ARHGAP15: variants seen among roughly 807,000 people sequenced by gnomAD.
ARHGAP15 encodes the protein Rho GTPase activating protein 15, also known as rho GTPase-activating protein 15.
A neutral mutation model predicts 63.7 loss-of-function variants in ARHGAP15; 51 were observed. The ratio of observed to expected loss-of-function variants is 0.80; its 90% confidence interval spans 0.64 to 1.01. The LOEUF is 1.01. Ranked by LOEUF, ARHGAP15 falls within the 50% of genes least tolerant of loss-of-function variation. ARHGAP15 has a pLI of 0.00. For missense variants in ARHGAP15, 560 were observed against 564.6 expected (o/e 0.99, Z 0.08); for synonymous variants, 191 against 193.8 (o/e 0.99, Z 0.12).
intron 12 of ARHGAP15, among the ~76,000 whole-genome samples, chr2:143,668,418 C>T (rs1270058304): frequency 6.6e-6 from 1 of 152,052 alleles, no homozygotes; most frequent in African/African-American, 2.4e-5. Flanking sequence ...CTGTGTGAGT[C>T]TCTATTCCTC....
intron 2 of ARHGAP15, among the ~76,000 whole-genome samples, chr2:143,160,668 A>G (rs1017336206): frequency 5.9e-5 from 9 of 152,118 alleles, no homozygotes; most frequent in African/African-American, 2.2e-4. Flanking sequence ...GACATGCTGT[A>G]GAACAGATGA....
chr2:143,412,388 A>C (rs1309183848), intron 6 of ARHGAP15, among the ~76,000 whole-genome samples: 1 of 151,948 alleles, frequency 6.6e-6, no homozygotes, highest in East Asian at 1.9e-4. Context: ...TATAATGGTG[A>C]TATTTGAATT....
intron 11 of ARHGAP15, among the ~76,000 whole-genome samples, chr2:143,561,712 C>T (rs1019295792): frequency 4.6e-5 from 7 of 152,072 alleles, no homozygotes; most frequent in Non-Finnish European, 7.4e-5. Flanking sequence ...GACAAGGTTT[C>T]ACCATGTCTC....
At chr2:143,500,357 T>C (rs60837263) in intron 9 of ARHGAP15, among the ~76,000 whole-genome samples, 11,269 of 151,954 alleles carry the variant, frequency 0.074, 635 homozygotes, top group East Asian at 0.22. Flanking sequence ...AAAATATAAG[T>C]CCATATAGTA....
intron 12 of ARHGAP15, among the ~76,000 whole-genome samples, chr2:143,694,103 G>GAACTAT (rs1455117895): frequency 4.6e-5 from 7 of 152,086 alleles, no homozygotes; most frequent in Admixed American, 4.6e-4. Flanking sequence ...TATAATGAAA[G>GAACTAT]AATGTTCATA....
chr2:143,707,813 G>A (rs1347088493), intron 13 of ARHGAP15, among the ~76,000 whole-genome samples: 2 of 152,150 alleles, frequency 1.3e-5, no homozygotes, highest in Non-Finnish European at 2.9e-5. Flanking sequence ...CTTCAACTTG[G>A]AGAAATGCTG....
chr2:143,177,266 C>T (rs980377942), intron 2 of ARHGAP15, among the ~76,000 whole-genome samples: 5 of 152,078 alleles, frequency 3.3e-5, no homozygotes, highest in Admixed American at 2.6e-4. Flanking sequence ...AAGATGAGAG[C>T]CGGCTGTTCA....
chr2:143,626,541 G>A (rs1698841552), intron 12 of ARHGAP15, among the ~76,000 whole-genome samples: 1 of 152,130 alleles, frequency 6.6e-6, no homozygotes, highest in South Asian at 2.1e-4. Context: ...AGCTTCCACA[G>A]CATGGAAGGG....
At chr2:143,469,091 A>T (rs1691390995) in intron 8 of ARHGAP15, among the ~76,000 whole-genome samples, 2 of 152,234 alleles carry the variant, frequency 1.3e-5, no homozygotes, top group African/African-American at 4.8e-5. Flanking sequence ...AATAAGAGAA[A>T]GGATCAGATA....
intron 9 of ARHGAP15, among the ~76,000 whole-genome samples, chr2:143,503,887 A>G (rs1693184859): frequency 6.6e-6 from 1 of 152,244 alleles, no homozygotes; most frequent in South Asian, 2.1e-4. Context: ...ACACAAAGCA[A>G]GGTCCCCAGG....
At chr2:143,338,011 G>A (rs1050513130) in intron 6 of ARHGAP15, among the ~76,000 whole-genome samples, 7 of 152,094 alleles carry the variant, frequency 4.6e-5, no homozygotes, top group Non-Finnish European at 7.4e-5. Flanking sequence ...CCTTTAATGT[G>A]TCTAGTAACA....
chr2:143,719,261 C>T (rs1684946241), intron 13 of ARHGAP15, among the ~76,000 whole-genome samples: 1 of 152,130 alleles, frequency 6.6e-6, no homozygotes, highest in African/African-American at 2.4e-5. Flanking sequence ...CATTTACCTC[C>T]CATAGAGTTT....
At chr2:143,754,361 G>GA (rs1686494271) in intron 13 of ARHGAP15, among the ~76,000 whole-genome samples, 1 of 152,156 alleles carries the variant, frequency 6.6e-6, no homozygotes, top group South Asian at 2.1e-4. Flanking sequence ...TAGCAGCAGA[G>GA]AAAGTATCTA....
In ARHGAP15 at chr2:143,489,349, A is replaced by T. The variant is rs1692473434; in HGVS notation, c.826+1854A>T. 1.3e-5 allele frequency among the ~76,000 whole-genome samples: 2 copies of T among 152,198 alleles called. 1 individual carries two copies. The highest frequency in any genetic ancestry group is 1.3e-4 in the Admixed American group (2 of 15,286). On this transcript the variant is annotated intron_variant, in intron 9 of 13. Transcript: ENST00000295095. ...AGAGCTCCATTAAATTTTCACCATAACTGACCAATGAGTCAGTATTCATTA... is the reference window on the plus strand; with the variant it reads ...AGAGCTCCATTAAATTTTCACCATATCTGACCAATGAGTCAGTATTCATTA...
At chr2:143,531,875 A>C (rs1694536752) in intron 10 of ARHGAP15, among the ~76,000 whole-genome samples, 2 of 152,236 alleles carry the variant, frequency 1.3e-5, no homozygotes, top group Admixed American at 1.3e-4. Context: ...GTCAAGTTTC[A>C]TATTAAGAGT....
intron 6 of ARHGAP15, among the ~76,000 whole-genome samples, chr2:143,375,563 A>C (rs1363180656): frequency 2.0e-5 from 3 of 152,206 alleles, no homozygotes; most frequent in Non-Finnish European, 4.4e-5. Context: ...TTAGAACAAC[A>C]GTGCAAGGGT....
chr2:143,377,493 C>T (rs1686868821), intron 6 of ARHGAP15, among the ~76,000 whole-genome samples: 1 of 151,680 alleles, frequency 6.6e-6, no homozygotes, highest in Non-Finnish European at 1.5e-5. Flanking sequence ...ATTTTTCTGC[C>T]TTTATTTACC....
At chr2:143,432,231 G>A (rs998279284) in intron 6 of ARHGAP15, among the ~76,000 whole-genome samples, 3 of 151,864 alleles carry the variant, frequency 2.0e-5, no homozygotes, top group Non-Finnish European at 4.4e-5. Context: ...GTAAACAAAA[G>A]TATGGAAATT....
In ARHGAP15 at chr2:143,768,086, A is replaced by G. The variant is rs1335708652; in HGVS notation, c.1342A>G (p.Met448Val). 4 of 1,613,856 alleles carry G rather than the reference A, an allele frequency of 2.5e-6. No individual in the cohort carries two copies. Among genetic ancestry groups the G allele is most frequent in the Middle Eastern group, 1.7e-4 (1 of 6,058 alleles). ...GCGAGCTGAAAATGAAACAGGAAAC[A>G]TGGCGATCCACATGGTCTACCAGAA... is the stretch of plus-strand genomic sequence containing the variant. ...LLRAENETGN[M>V]AIHMVYQNQI... The change falls in exon 14 of 14, where the codon ATG becomes GTG. Residue 448 changes from methionine (M) to valine (V), a missense_variant. Coordinates refer to ENST00000295095, the MANE Select transcript of ARHGAP15 (RefSeq NM_018460.4).
Sources: allele counts gnomAD v4.1 joint callset (sites outside exome capture counted in the v4.1 genomes callset), GRCh38; gene constraint gnomAD v4.1.1; transcripts MANE v1.5; gene names NCBI Gene and HGNC (gene_info 2026-07-23, HGNC 2026-07-21).